PTPN1: variants seen among roughly 807,000 people sequenced by gnomAD.
PTPN1 encodes tyrosine-protein phosphatase non-receptor type 1.
In PTPN1, 12 loss-of-function variants were observed where a neutral mutation model predicts 59.9. The observed-to-expected ratio is 0.20, with a 90% CI of 0.13 to 0.32. The LOEUF (loss-of-function observed/expected upper bound fraction) is 0.32. Ranked by LOEUF, PTPN1 falls within the 10% of genes least tolerant of loss-of-function variation. PTPN1 has a pLI of 1.00. For missense variants in PTPN1, 356 were observed against 549.2 expected, an observed-to-expected ratio of 0.65 and a Z score of 3.52; for synonymous variants, 178 against 203.6, an observed-to-expected ratio of 0.87 and a Z score of 1.07.
Position 50,513,458 on chromosome 20 carries a change from AG to A in PTPN1, c.63+2869del, listed in dbSNP as rs1401718050. Among the ~76,000 whole-genome samples the A allele has an allele frequency of 6.1e-4, 93 of 152,268 alleles. 1 individual carries two copies. The highest frequency in any genetic ancestry group is 2.1e-4 in the South Asian group (1 of 4,822). ...TGTGCTCCCCTCCATCTGTAGTTTAAGAGGGGTTGGGTCCGGTGTTTTGCTT... is the reference window on the plus strand; with the variant it reads ...TGTGCTCCCCTCCATCTGTAGTTTAAAGGGGTTGGGTCCGGTGTTTTGCTT... On this transcript the variant is annotated intron_variant, in intron 1 of 9. Coordinates refer to ENST00000371621, the MANE Select transcript of PTPN1 (RefSeq NM_002827.4).
chr20:50,527,783 T>C (rs1476298373), intron 1 of PTPN1, among the ~76,000 whole-genome samples: 1 of 152,244 alleles, frequency 6.6e-6, no homozygotes, highest in Non-Finnish European at 1.5e-5. Flanking sequence ...TTCCCTGTTT[T>C]AATAACTCTA....
In PTPN1 at chr20:50,578,326, TAGAGAGTGGA is replaced by T; in HGVS notation, c.493-91_493-82del. On this transcript the variant is annotated intron_variant, in intron 5 of 9. Transcript: ENST00000371621. Reference sequence around the variant, plus strand: ...TGAGAATGAATGTTCCTCTTAGAGGTAGAGAGTGGAAGGTGACTCTGTGTGTACTTGGAAT... The same window carrying T: ...TGAGAATGAATGTTCCTCTTAGAGGTAGGTGACTCTGTGTGTACTTGGAAT... 3.0e-6 allele frequency: 3 copies of T among 991,278 alleles called. No homozygotes were observed. In the South Asian group the frequency reaches 4.4e-5, roughly 14 times the overall value. 61.4% of individuals were successfully genotyped at this position (991,278 alleles called of 1,614,324 possible). A position where few individuals can be genotyped will look rare whatever the true frequency, so the allele number is the denominator to read the frequency against.
intron 7 of PTPN1, 150 bp downstream of exon 7, chr20:50,579,479 T>C: frequency 9.3e-7 from 1 of 1,073,508 alleles, no homozygotes; most frequent in East Asian, 2.4e-5. Flanking sequence ...GTTGTCAAAA[T>C]GTTCACCATG....
intron 1 of PTPN1, among the ~76,000 whole-genome samples, chr20:50,552,585 A>G (rs1601403102): frequency 6.6e-6 from 1 of 152,022 alleles, no homozygotes; most frequent in Non-Finnish European, 1.5e-5. Context: ...TCTCAGCACT[A>G]TGGGAGGCTG....
intron 1 of PTPN1, among the ~76,000 whole-genome samples, chr20:50,542,238 A>G (rs536049384): frequency 9.8e-5 from 15 of 152,350 alleles, no homozygotes; most frequent in African/African-American, 2.9e-4. Flanking sequence ...GAGTTTTACA[A>G]TTCTGGCCTT....
rs866860273 is a variant in PTPN1 at position 50,566,200 on chromosome 20, G to A, written c.255+1131G>A. Among the ~76,000 whole-genome samples, 5 of 152,166 alleles carry A rather than the reference G, an allele frequency of 3.3e-5. No individual in the cohort carries two copies. In the East Asian group the frequency reaches 7.7e-4, roughly 23 times the overall value. ...TGATGGGGGAGGGGGTTGATAAGGCGGGAGATGTCTGGGGATGAGGTTGAG... is the reference window on the plus strand; with the variant it reads ...TGATGGGGGAGGGGGTTGATAAGGCAGGAGATGTCTGGGGATGAGGTTGAG... On this transcript the variant is annotated intron_variant, in intron 3 of 9. Transcript: ENST00000371621.
At chr20:50,526,142 A>T (rs1279052312) in intron 1 of PTPN1, among the ~76,000 whole-genome samples, 2 of 152,126 alleles carry the variant, frequency 1.3e-5, no homozygotes, top group African/African-American at 4.8e-5. Flanking sequence ...ATTTGTATGC[A>T]TGTATGTATC....
chr20:50,582,743 C>G lies in PTPN1; in HGVS notation c.*28C>G. ...TGACCCTCCTCCACTCCACCTCCAC[C>G]CACTGTCCGCCTCTGCCCGCAGAGC... On this transcript the variant is annotated 3_prime_UTR_variant, in exon 10 of 10. Transcript: ENST00000371621. This position sits in a 1 kb window ranked among gnomAD's most constrained non-coding sequence, Gnocchi z 4.2. 6.2e-7 allele frequency: 1 copy of G among 1,613,180 alleles called. No homozygotes were observed. Among genetic ancestry groups the G allele is most frequent in the Non-Finnish European group, 8.5e-7 (1 of 1,179,620 alleles).
chr20:50,582,697 G>T lies in PTPN1; in HGVS notation c.1290G>T (p.Leu430=). The part of the protein sequence containing the change: ...TAGAYLCYRF[L]FNSNT ...ACTGTTTGGTTTCATTCCAGTTCCT[G>T]TTCAACAGCAACACATAGCCTGACC... Residue 430 remains leucine, a synonymous_variant, in exon 10 of 10, where the codon CTG becomes CTT. Transcript: ENST00000371621. The surrounding 1 kb of genome is among the most constrained non-coding windows in gnomAD (Gnocchi z 4.2). The T allele has an allele frequency of 6.2e-7, 1 of 1,613,834 alleles. No homozygotes were observed. The highest frequency in any genetic ancestry group is 1.1e-5 in the South Asian group (1 of 90,990).
chr20:50,520,371 C>A (rs374723261), intron 1 of PTPN1, among the ~76,000 whole-genome samples: 528 of 131,164 alleles, frequency 4.0e-3, no homozygotes, highest in African/African-American at 4.8e-3. Context: ...AACTCTGTCT[C>A]AAAAAAAAAA....
At chr20:50,544,717 G>C (rs1254869982) in intron 1 of PTPN1, among the ~76,000 whole-genome samples, 3 of 152,146 alleles carry the variant, frequency 2.0e-5, no homozygotes, top group Non-Finnish European at 4.4e-5. Flanking sequence ...TCACATTGCC[G>C]TACCTGAGAA....
Position 50,579,806 on chromosome 20 carries a change from A to G in PTPN1, c.968A>G (p.Lys323Arg), listed in dbSNP as rs1374557375. 6.2e-7 allele frequency: 1 copy of G among 1,614,132 alleles called. No homozygotes were observed. Among genetic ancestry groups the G allele is most frequent in the Admixed American group, 1.7e-5 (1 of 60,018 alleles). Residue 323 changes from lysine to arginine, a missense_variant, in exon 8 of 10, where the codon AAA becomes AGA. Lys to Arg is a conservative substitution (Grantham distance 26, BLOSUM62 2). This residue lies in a region of PTPN1 where 100 missense variants were observed against 107.7 expected (regional missense o/e 0.93). Coordinates refer to ENST00000371621, the MANE Select transcript of PTPN1 (RefSeq NM_002827.4). ...CGAATCCTGGAGCCACACAATGGGA[A>G]ATGCAGGGAGTTCTTCCCAAATCAC... ...PKRILEPHNG[K>R]CREFFPNHQW... is the part of the protein sequence containing the mutation.
chr20:50,551,433 A>T (rs1448106692), intron 1 of PTPN1, among the ~76,000 whole-genome samples: 1 of 152,208 alleles, frequency 6.6e-6, no homozygotes, highest in African/African-American at 2.4e-5. Context: ...CACAGAAATG[A>T]TTCAGATCAC....
Position 50,579,243 on chromosome 20 carries a change from C to T in PTPN1, c.778C>T (p.Leu260=), listed in dbSNP as rs374967221. ...AGAAATGAGGAAGTTTCGGATGGGG[C>T]TGATCCAGACAGCCGACCAGCTGCG... ...LLEMRKFRMG[L]IQTADQLRFS... is the part of the protein sequence containing the mutation. The change falls in exon 7 of 10, where the codon CTG becomes TTG. Residue 260 remains leucine (L), a synonymous_variant. Transcript: ENST00000371621. The T allele has an allele frequency of 4.3e-5, 70 of 1,614,110 alleles. No homozygotes were observed. Among genetic ancestry groups the T allele is most frequent in the Non-Finnish European group, 5.5e-5 (65 of 1,180,030 alleles).
chr20:50,526,997 G>T (rs1212193971), intron 1 of PTPN1, among the ~76,000 whole-genome samples: 1 of 152,076 alleles, frequency 6.6e-6, no homozygotes, highest in Admixed American at 6.6e-5. Flanking sequence ...AAGCTTACCT[G>T]CCATCCTTTC....
At chr20:50,578,936 G>T (rs554216551) in intron 6 of PTPN1, among the ~76,000 whole-genome samples, 7 of 152,284 alleles carry the variant, frequency 4.6e-5, no homozygotes, top group Admixed American at 1.3e-4. Flanking sequence ...AGATGGGGGA[G>T]GTCCCAGACT....
chr20:50,555,395 G>A (rs1243847861), intron 1 of PTPN1, among the ~76,000 whole-genome samples: 1 of 152,152 alleles, frequency 6.6e-6, no homozygotes, highest in Non-Finnish European at 1.5e-5. Flanking sequence ...GGGTGGGAGT[G>A]GAAGGTTGAA....
intron 1 of PTPN1, among the ~76,000 whole-genome samples, chr20:50,548,886 T>A (rs2082688189): frequency 6.6e-6 from 1 of 151,854 alleles, no homozygotes; most frequent in African/African-American, 2.4e-5. Context: ...CCTAGCTAAT[T>A]TTTGTGTTTT....
chr20:50,514,804 G>A (rs2082522001), intron 1 of PTPN1, among the ~76,000 whole-genome samples: 1 of 152,148 alleles, frequency 6.6e-6, no homozygotes, highest in African/African-American at 2.4e-5. Context: ...CAGGAAAATT[G>A]GAATTCTAGC....
Sources: gnomAD v4.1 joint callset for allele counts (sites outside exome capture counted in the v4.1 genomes callset) on GRCh38, gnomAD v4.1.1 for gene constraint, gnomAD v4.1.1 regional missense constraint, Gnocchi (gnomAD v3.1) non-coding constraint, MANE v1.5 for transcripts, NCBI Gene and HGNC (gene_info 2026-07-23, HGNC 2026-07-21) for gene names.